The following CADPS2 variants were observed in gnomAD, a reference collection of about 807,000 sequenced individuals.
CADPS2 encodes the protein calcium dependent secretion activator 2.
Under a neutral mutation model 172.5 loss-of-function variants are expected in CADPS2, and 93 were observed. That is an observed-to-expected ratio of 0.54 (90% CI 0.46 to 0.64). CADPS2 has a LOEUF of 0.64. CADPS2 is among the 30% of genes least tolerant of loss of function. CADPS2 has a pLI of 0.00. For synonymous variants in CADPS2, 546 were observed against 555.2 expected (o/e 0.98, Z 0.23); for missense variants, 1,420 against 1,565.9 (o/e 0.91, Z 1.57).
chr7:122,574,500 TATGTAGA>T (rs2067721596), intron 7 of CADPS2, among the ~76,000 whole-genome samples: 1 of 129,274 alleles, frequency 7.7e-6, no homozygotes, highest in African/African-American at 2.9e-5. Flanking sequence ...TGTTGATACA[TATGTAGA>T]ATGTTAGTTT....
intron 29 of CADPS2, among the ~76,000 whole-genome samples, chr7:122,323,657 G>A (rs987996237): frequency 3.3e-5 from 5 of 151,846 alleles, no homozygotes; most frequent in Admixed American, 6.6e-5. Flanking sequence ...ATGGGCTAAT[G>A]TGGAGATTGT....
chr7:122,554,527 A>G, intron 8 of CADPS2, 23 bp downstream of exon 8: 1 of 1,549,204 alleles, frequency 6.5e-7, no homozygotes, highest in Non-Finnish European at 8.7e-7. Flanking sequence ...ATTCAGGAAA[A>G]AAATCCTCAA....
At chr7:122,395,142 TG>T (rs2044901794) in intron 20 of CADPS2, among the ~76,000 whole-genome samples, 1 of 152,230 alleles carries the variant, frequency 6.6e-6, no homozygotes, top group African/African-American at 2.4e-5. Flanking sequence ...TTTTAGCTCT[TG>T]TCAAAGTACA....
intron 20 of CADPS2, among the ~76,000 whole-genome samples, chr7:122,406,241 T>C (rs1304260478): frequency 6.6e-6 from 1 of 152,154 alleles, no homozygotes; most frequent in Non-Finnish European, 1.5e-5. Flanking sequence ...ACTAGAGCCA[T>C]GAACAAAACC....
intron 1 of CADPS2, among the ~76,000 whole-genome samples, chr7:122,754,242 CTTA>C (rs1226740932): frequency 6.6e-6 from 1 of 152,080 alleles, no homozygotes; most frequent in Admixed American, 6.5e-5. Flanking sequence ...ACTAATTTTT[CTTA>C]TTATTAGATT....
chr7:122,828,914 T>C (rs571886978), intron 1 of CADPS2, among the ~76,000 whole-genome samples: 2 of 152,224 alleles, frequency 1.3e-5, no homozygotes, highest in Non-Finnish European at 1.5e-5. Flanking sequence ...GAATGTATCC[T>C]ACCACTGTGC....
intron 1 of CADPS2, among the ~76,000 whole-genome samples, chr7:122,851,404 G>A (rs1013900932): frequency 6.6e-6 from 1 of 152,190 alleles, no homozygotes; most frequent in Non-Finnish European, 1.5e-5. Flanking sequence ...CAGAGTGAAG[G>A]TGGACTCAGA....
chr7:122,822,439 C>T (rs992669180), intron 1 of CADPS2, among the ~76,000 whole-genome samples: 1 of 152,004 alleles, frequency 6.6e-6, no homozygotes, highest in African/African-American at 2.4e-5. Context: ...TTGAAGCAAC[C>T]CTGAGAAACA....
chr7:122,531,444 G>A (rs1756676303), intron 8 of CADPS2, among the ~76,000 whole-genome samples: 1 of 152,084 alleles, frequency 6.6e-6, no homozygotes, highest in South Asian at 2.1e-4. Flanking sequence ...TTCTCTTAAG[G>A]GCAACAGTAT....
intron 28 of CADPS2, chr7:122,332,087 AATTT>A (rs1407479880): frequency 1.3e-5 from 2 of 152,306 alleles, no homozygotes; most frequent in African/African-American, 4.8e-5. Context: ...AAGCCCATTC[AATTT>A]TTTTTGCAGG....
intron 24 of CADPS2, among the ~76,000 whole-genome samples, chr7:122,384,811 C>A (rs540308752): frequency 6.6e-6 from 1 of 152,150 alleles, no homozygotes; most frequent in African/African-American, 2.4e-5. Flanking sequence ...GACAATGTAA[C>A]AATGTTCATC....
chr7:122,775,166 A>G (rs1381693623), intron 1 of CADPS2, among the ~76,000 whole-genome samples: 1 of 152,202 alleles, frequency 6.6e-6, no homozygotes, highest in Non-Finnish European at 1.5e-5. Flanking sequence ...GGCGATATTA[A>G]AAACATTTAA....
At chr7:122,576,892 T>G (rs2068119318) in intron 7 of CADPS2, among the ~76,000 whole-genome samples, 1 of 151,902 alleles carries the variant, frequency 6.6e-6, no homozygotes, top group Non-Finnish European at 1.5e-5. Flanking sequence ...CCTGAGTAGC[T>G]GGGGTTACAG....
chr7:122,748,502 CTT>C (rs2092814778), intron 1 of CADPS2, among the ~76,000 whole-genome samples: 1 of 152,154 alleles, frequency 6.6e-6, no homozygotes, highest in African/African-American at 2.4e-5. Context: ...AGTGTAAAAG[CTT>C]AAAGATGCTG....
At chr7:122,402,959 G>A (rs572956839) in intron 20 of CADPS2, among the ~76,000 whole-genome samples, 7 of 152,242 alleles carry the variant, frequency 4.6e-5, no homozygotes, top group East Asian at 3.9e-4. Flanking sequence ...TGCCATGGCC[G>A]CAATGTAAGA....
chr7:122,589,061 C>T (rs146906158), intron 6 of CADPS2, among the ~76,000 whole-genome samples: 2 of 152,026 alleles, frequency 1.3e-5, no homozygotes, highest in East Asian at 3.9e-4. Context: ...GCTGTAGTAT[C>T]CTTTAGTTTC....
intron 24 of CADPS2, chr7:122,386,415 A>G (rs1245038478): frequency 2.0e-5 from 13 of 639,366 alleles, no homozygotes; most frequent in Non-Finnish European, 3.3e-5. Flanking sequence ...AGGCAACAAA[A>G]TCAACTTAAA....
chr7:122,445,347 C>T (rs923403274), intron 15 of CADPS2, among the ~76,000 whole-genome samples: 30 of 151,960 alleles, frequency 2.0e-4, no homozygotes, highest in African/African-American at 7.0e-4. Flanking sequence ...ATCTCTCCTT[C>T]TATTTAGGTT....
chr7:122,742,518 T>C (rs1269759323), intron 1 of CADPS2, among the ~76,000 whole-genome samples: 2 of 152,154 alleles, frequency 1.3e-5, no homozygotes, highest in Non-Finnish European at 2.9e-5. Context: ...TAAAATGTAC[T>C]AGATAGACTG....
Sources: gnomAD v4.1 joint callset for allele counts (sites outside exome capture counted in the v4.1 genomes callset) on GRCh38, gnomAD v4.1.1 for gene constraint, MANE v1.5 for transcripts, NCBI Gene and HGNC (gene_info 2026-07-23, HGNC 2026-07-21) for gene names.